ATXN7: variants seen among roughly 807,000 people sequenced by gnomAD.
ATXN7 encodes the protein ataxin 7.
In ATXN7, 12 loss-of-function variants were observed where a neutral mutation model predicts 70.5. The observed-to-expected ratio is 0.17, with a 90% CI of 0.11 to 0.28. The LOEUF (loss-of-function observed/expected upper bound fraction) is 0.28, where lower values mean the gene tolerates loss of function less well. ATXN7 is among the 10% of genes least tolerant of loss of function. ATXN7 has a pLI of 1.00. For missense variants in ATXN7, 1,256 were observed against 1,131.7 expected, an observed-to-expected ratio of 1.11 and a Z score of -1.58; for synonymous variants, 498 against 448.7, an observed-to-expected ratio of 1.11 and a Z score of -1.39.
At chr3:63,994,033 C>G (rs1167398142) in intron 11 of ATXN7, among the ~76,000 whole-genome samples, 1 of 152,150 alleles carries the variant, frequency 6.6e-6, no homozygotes, top group Non-Finnish European at 1.5e-5. Flanking sequence ...CCTAGCCTCT[C>G]AATCTTGGCT....
upstream of ATXN7, chr3:63,863,623 T>C (rs1439816867): frequency 5.0e-6 from 6 of 1,199,524 alleles, no homozygotes; most frequent in African/African-American, 1.6e-5. Flanking sequence ...GGCCCGGGGC[T>C]CCGGGGAGAG....
chr3:63,929,806 T>TAA (rs1704874041), intron 4 of ATXN7, among the ~76,000 whole-genome samples: 1 of 152,192 alleles, frequency 6.6e-6, no homozygotes, highest in African/African-American at 2.4e-5. Context: ...ACTGTGGCCT[T>TAA]ACCTGTGTGT....
At chr3:63,919,562 A>G (rs1294923571) in intron 4 of ATXN7, among the ~76,000 whole-genome samples, 5 of 152,134 alleles carry the variant, frequency 3.3e-5, no homozygotes, top group African/African-American at 9.7e-5. Context: ...TTCACATAAG[A>G]AGGTTGCTGT....
chr3:63,874,472 A>G (rs140136967), intron 1 of ATXN7, among the ~76,000 whole-genome samples: 1 of 152,356 alleles, frequency 6.6e-6, no homozygotes, highest in Non-Finnish European at 1.5e-5. Flanking sequence ...GTGCATATAC[A>G]GTGTGATTTT....
chr3:63,993,640 CAA>C (rs1344036732), intron 11 of ATXN7, among the ~76,000 whole-genome samples: 1 of 152,130 alleles, frequency 6.6e-6, no homozygotes, highest in Non-Finnish European at 1.5e-5. Context: ...TCTTTATACA[CAA>C]AAGAGTAATT....
chr3:63,998,191 A>G (rs1204404987), intron 12 of ATXN7: 17 of 604,086 alleles, frequency 2.8e-5, no homozygotes, highest in Non-Finnish European at 3.4e-5. Flanking sequence ...AAGTAACAAA[A>G]AGGACAGAAG....
rs992611702 is a variant in ATXN7 at position 64,001,896 on chromosome 3, TGGTTG to T, written c.*2435_*2439del. 1 of 152,156 alleles carries T rather than the reference TGGTTG, an allele frequency of 6.6e-6. No homozygotes were observed. The highest frequency in any genetic ancestry group is 1.5e-5 in the Non-Finnish European group (1 of 68,002). 9.4% of individuals were successfully genotyped at this position (152,156 alleles called of 1,614,324 possible). A position where few individuals can be genotyped will look rare whatever the true frequency, so the allele number is the denominator to read the frequency against. ...TAACTTGCAAAAACCAAATTTGCAGTGGTTGGGTTGTTTCTAGACAGACTTTGGTA... is the reference window on the plus strand; with the variant it reads ...TAACTTGCAAAAACCAAATTTGCAGTGGTTGTTTCTAGACAGACTTTGGTA... On this transcript the variant is annotated 3_prime_UTR_variant, in exon 13 of 13. Coordinates refer to ENST00000674280, the MANE Select transcript of ATXN7 (RefSeq NM_001377405.1).
chr3:63,948,756 T>G (rs2074907216), intron 4 of ATXN7, among the ~76,000 whole-genome samples: 1 of 152,190 alleles, frequency 6.6e-6, no homozygotes, highest in Non-Finnish European at 1.5e-5. Context: ...CCTAGTATGC[T>G]GGCCTGGGGT....
intron 1 of ATXN7, among the ~76,000 whole-genome samples, chr3:63,894,083 A>G (rs1404921312): frequency 1.3e-5 from 2 of 152,216 alleles, no homozygotes; most frequent in African/African-American, 2.4e-5. Flanking sequence ...GGAAGACAGT[A>G]TAGTTTTGGG....
chr3:63,896,197 C>A (rs1267372962), intron 1 of ATXN7, among the ~76,000 whole-genome samples: 1 of 148,108 alleles, frequency 6.8e-6, no homozygotes, highest in Non-Finnish European at 1.5e-5. Context: ...ATCTCCCTCC[C>A]CCTTAAAAAA....
At chr3:63,986,574 G>A (rs775804450) in intron 8 of ATXN7, among the ~76,000 whole-genome samples, 1 of 152,092 alleles carries the variant, frequency 6.6e-6, no homozygotes, top group Non-Finnish European at 1.5e-5. Flanking sequence ...TAAACTTTTT[G>A]TTTGAAGCAT....
In ATXN7 at chr3:63,930,593, G is replaced by A. The variant is rs527345209; in HGVS notation, c.394+17368G>A. Among the ~76,000 whole-genome samples, 201 of 151,226 alleles carry A rather than the reference G, an allele frequency of 1.3e-3. 2 individuals are homozygous for A. Among genetic ancestry groups the A allele is most frequent in the Non-Finnish European group, 2.5e-3 (169 of 67,844 alleles). The stretch of plus-strand genomic sequence containing the variant: ...GTTGCCCAGGCTGGAGTGCAGTGGC[G>A]CAATCTTGGCTCACTGCAAGCTCCG... On this transcript the variant is annotated intron_variant, in intron 4 of 12. Coordinates refer to ENST00000674280, the MANE Select transcript of ATXN7 (RefSeq NM_001377405.1).
chr3:63,985,813 C>A (rs751767276), intron 8 of ATXN7, among the ~76,000 whole-genome samples: 1 of 152,160 alleles, frequency 6.6e-6, no homozygotes, highest in Admixed American at 6.5e-5. Flanking sequence ...CTTTTTATTA[C>A]GTACATCTGT....
intron 5 of ATXN7, among the ~76,000 whole-genome samples, chr3:63,976,871 G>A (rs997042138): frequency 6.6e-6 from 1 of 152,174 alleles, no homozygotes; most frequent in Admixed American, 6.5e-5. Context: ...AATGAAAAGG[G>A]TAGCACAGTC....
Position 63,879,500 on chromosome 3 carries a change from T to G in ATXN7, c.-111+15342T>G, listed in dbSNP as rs1246266260. On this transcript the variant is annotated intron_variant, in intron 1 of 12. Transcript: ENST00000674280. The stretch of plus-strand genomic sequence containing the variant: ...ATTATCTCTTCAGTTTTTTTTTTTT[T>G]TTTTTTAAATAGAGTCTTGCTCTGT... 1.5e-4 allele frequency among the ~76,000 whole-genome samples: 23 copies of G among 151,666 alleles called. 1 individual carries two copies. The highest frequency in any genetic ancestry group is 4.4e-5 in the Non-Finnish European group (3 of 67,922).
intron 12 of ATXN7, chr3:63,996,773 C>CA: frequency 4.8e-6 from 2 of 418,976 alleles, no homozygotes; most frequent in South Asian, 7.0e-5. Context: ...GTTGTGACAG[C>CA]AAAATCATAA....
intron 2 of ATXN7, among the ~76,000 whole-genome samples, chr3:63,911,035 C>CA (rs969919341): frequency 8.8e-4 from 120 of 136,980 alleles, no homozygotes; most frequent in African/African-American, 1.5e-3. Flanking sequence ...GTTTGAGGTA[C>CA]AAAAAAAAAA....
intron 5 of ATXN7, among the ~76,000 whole-genome samples, chr3:63,953,944 G>A (rs1324834380): frequency 6.6e-6 from 1 of 152,200 alleles, no homozygotes; most frequent in East Asian, 1.9e-4. Flanking sequence ...CACGCGCTCA[G>A]CCAAGAGACG....
chr3:63,990,442 G>T, intron 10 of ATXN7, 68 bp downstream of exon 10: 1 of 1,565,444 alleles, frequency 6.4e-7, no homozygotes, highest in Non-Finnish European at 8.8e-7. Context: ...GCAGGGGGGC[G>T]CGCCAGGGAT....
Sources: allele counts gnomAD v4.1 joint callset (sites outside exome capture counted in the v4.1 genomes callset), GRCh38; gene constraint gnomAD v4.1.1; transcripts MANE v1.5; gene names NCBI Gene and HGNC (gene_info 2026-07-23, HGNC 2026-07-21).